Variants in SEC23IP observed in about 807,000 individuals in gnomAD.
SEC23IP encodes the protein SEC23 interacting protein.
A neutral mutation model predicts 113.4 loss-of-function variants in SEC23IP; 70 were observed. That is an observed-to-expected ratio of 0.62 (90% CI 0.51 to 0.75). The LOEUF is 0.75. SEC23IP is among the 30% of genes least tolerant of loss of function. The probability of loss-of-function intolerance (pLI) is 0.00; values close to 1 mark genes in which losing one functional copy is unlikely to be tolerated. For synonymous variants in SEC23IP, 398 were observed against 421.0 expected (o/e 0.95, Z 0.67); for missense variants, 1,160 against 1,204.9 (o/e 0.96, Z 0.55).
At chr10:119,897,795 C>T (rs1854325702) in intron 1 of SEC23IP, among the ~76,000 whole-genome samples, 1 of 151,734 alleles carries the variant, frequency 6.6e-6, no homozygotes, top group South Asian at 2.1e-4. Flanking sequence ...GTCAGGAGTT[C>T]AAGACCAGCC....
In SEC23IP at chr10:119,918,597, CTTTT is replaced by C. The variant is rs1230427607; in HGVS notation, c.1872+87_1872+90del. On this transcript the variant is annotated intron_variant, in intron 10 of 18. Coordinates refer to ENST00000369075, the MANE Select transcript of SEC23IP (RefSeq NM_007190.4). ...CAAAAGTCTGAACTGTTTCTTGAAA[CTTTT>C]GTTTGTTTGTTTGTTTGTTTGTTTG... 9.6e-6 allele frequency: 7 copies of C among 732,792 alleles called. 1 individual carries two copies. Among genetic ancestry groups the C allele is most frequent in the Middle Eastern group, 5.0e-4 (2 of 3,964 alleles). 45.4% of individuals were successfully genotyped at this position (732,792 alleles called of 1,614,324 possible). A position where few individuals can be genotyped will look rare whatever the true frequency, so the allele number is the denominator to read the frequency against.
At position 119,942,430 on chromosome 10, in the gene SEC23IP, TTATG is replaced by T. The variant is rs1855992005; in HGVS notation, c.*1870_*1873del. On this transcript the variant is annotated 3_prime_UTR_variant, in exon 19 of 19. Transcript: ENST00000369075. Reference sequence around the variant, plus strand: ...AGTAGATCCCCTGAGGGTAGAGTCTTTATGTATGAACATATTGTTCACTGTTGTA... The same window carrying T: ...AGTAGATCCCCTGAGGGTAGAGTCTTTATGAACATATTGTTCACTGTTGTA... The T allele has an allele frequency of 6.6e-6, 1 of 152,112 alleles. No homozygotes were observed. Among genetic ancestry groups the T allele is most frequent in the Non-Finnish European group, 1.5e-5 (1 of 68,028 alleles). The allele number at this position is 152,112 out of a possible 1,614,324, so 9.4% of individuals were successfully genotyped here.
At chr10:119,934,719 ACATTCC>A (rs1300918592) in intron 18 of SEC23IP, among the ~76,000 whole-genome samples, 2 of 152,224 alleles carry the variant, frequency 1.3e-5, no homozygotes, top group Non-Finnish European at 2.9e-5. Flanking sequence ...TGGTAAATGA[ACATTCC>A]CTTCAGCCTC....
At chr10:119,912,474 T>C (rs1254229401) in intron 6 of SEC23IP, among the ~76,000 whole-genome samples, 2 of 152,146 alleles carry the variant, frequency 1.3e-5, no homozygotes, top group African/African-American at 2.4e-5. Context: ...ATCTTTATTT[T>C]TTAATTGATA....
intron 1 of SEC23IP, among the ~76,000 whole-genome samples, chr10:119,896,548 C>T (rs898456696): frequency 2.6e-5 from 4 of 152,156 alleles, no homozygotes; most frequent in African/African-American, 9.7e-5. Flanking sequence ...CTGGAACACA[C>T]GAGAATGGTC....
At chr10:119,894,986 C>A (rs1389795896) in intron 1 of SEC23IP, among the ~76,000 whole-genome samples, 1 of 148,188 alleles carries the variant, frequency 6.7e-6, no homozygotes, top group African/African-American at 2.5e-5. Context: ...TCTCAGAAAC[C>A]CATTCAGAGA....
At chr10:119,910,309 G>A (rs1854816020) in intron 5 of SEC23IP, among the ~76,000 whole-genome samples, 1 of 151,768 alleles carries the variant, frequency 6.6e-6, no homozygotes, top group African/African-American at 2.4e-5. Context: ...AAAAAATATT[G>A]ATTGCTGGTA....
At chr10:119,897,999 C>A (rs1244041440) in intron 1 of SEC23IP, among the ~76,000 whole-genome samples, 2 of 140,178 alleles carry the variant, frequency 1.4e-5, no homozygotes, top group Admixed American at 7.2e-5. Flanking sequence ...AGCGAGACGC[C>A]GTCTCAAAAA....
intron 5 of SEC23IP, among the ~76,000 whole-genome samples, chr10:119,911,771 G>T (rs1329774795): frequency 1.3e-5 from 2 of 151,988 alleles, no homozygotes. Context: ...CACCATACCT[G>T]GCCTATGTTA....
chr10:119,912,638 TTTTC>T (rs766316038), intron 6 of SEC23IP, among the ~76,000 whole-genome samples: 17 of 149,896 alleles, frequency 1.1e-4, no homozygotes, highest in South Asian at 6.9e-4. Context: ...TTCTTTTTCT[TTTTC>T]TTTTTTTTTT....
chr10:119,918,287 A>C (rs1855118780), intron 9 of SEC23IP, 106 bp from the exon 10 acceptor site: 5 of 739,480 alleles, frequency 6.8e-6, no homozygotes, highest in Non-Finnish European at 1.1e-5. Flanking sequence ...TCAGGTCTTG[A>C]ATAACATGTA....
Position 119,914,799 on chromosome 10 carries a change from T to G in SEC23IP, c.1382T>G (p.Phe461Cys). ...HGIGPVCDLRFRSIIECVDDF... is the reference protein window; with the variant it reads ...HGIGPVCDLRCRSIIECVDDF... ...ATTGGACCTGTGTGTGACTTACGCT[T>G]TAGGAGCATTATTGAGTGTGGTAAG... The change falls in exon 7 of 19, where the codon TTT becomes TGT. Residue 461 changes from phenylalanine to cysteine, a missense_variant. Physicochemically the swap from Phe to Cys is radical, Grantham distance 205. Coordinates refer to ENST00000369075, the MANE Select transcript of SEC23IP (RefSeq NM_007190.4). 1 of 1,614,060 alleles carries G rather than the reference T, an allele frequency of 6.2e-7. No homozygotes were observed.
intron 18 of SEC23IP, among the ~76,000 whole-genome samples, chr10:119,939,532 G>A (rs1196994051): frequency 1.3e-5 from 2 of 151,774 alleles, no homozygotes; most frequent in African/African-American, 4.8e-5. Flanking sequence ...AAAATTAGCC[G>A]GGCGTGGTAG....
At chr10:119,917,632 G>A (rs150953920) in intron 8 of SEC23IP, among the ~76,000 whole-genome samples, 1 of 152,188 alleles carries the variant, frequency 6.6e-6, no homozygotes, top group African/African-American at 2.4e-5. Context: ...ACCCACTTCA[G>A]CCTCCCAAAG....
intron 7 of SEC23IP, 132 bp downstream of exon 7, chr10:119,914,951 G>A: frequency 1.3e-6 from 1 of 780,060 alleles, no homozygotes; most frequent in South Asian, 1.7e-5. Context: ...AATTTAAATG[G>A]TCAGTGGGAA....
At chr10:119,904,339 G>A (rs73357845) in intron 4 of SEC23IP, 62 bp downstream of exon 4, 1 of 1,384,504 alleles carries the variant, frequency 7.2e-7, no homozygotes, top group Admixed American at 1.7e-5. Flanking sequence ...ATACATTGGT[G>A]AGTAACATCA....
chr10:119,917,417 C>T (rs1227098581), intron 8 of SEC23IP, among the ~76,000 whole-genome samples: 8 of 147,624 alleles, frequency 5.4e-5, no homozygotes, highest in Admixed American at 2.7e-4. Flanking sequence ...CTTGCTCTGT[C>T]GCCCAGACTG....
At chr10:119,917,527 C>T (rs1267639930) in intron 8 of SEC23IP, among the ~76,000 whole-genome samples, 2 of 152,046 alleles carry the variant, frequency 1.3e-5, no homozygotes, top group Non-Finnish European at 2.9e-5. Flanking sequence ...TACAGGTGTA[C>T]ACCACCACAC....
intron 4 of SEC23IP, among the ~76,000 whole-genome samples, chr10:119,908,529 T>C (rs1244333616): frequency 1.3e-5 from 2 of 152,172 alleles, no homozygotes; most frequent in African/African-American, 4.8e-5. Context: ...TAACTTGTGA[T>C]GTGAAGACAG....
Sources: gnomAD v4.1 joint callset for allele counts (sites outside exome capture counted in the v4.1 genomes callset) on GRCh38, gnomAD v4.1.1 for gene constraint, MANE v1.5 for transcripts, NCBI Gene and HGNC (gene_info 2026-07-23, HGNC 2026-07-21) for gene names.